ANKRD26: variants seen among roughly 807,000 people sequenced by gnomAD.
ANKRD26 encodes ankyrin repeat domain 26, also known as ankyrin repeat domain-containing protein 26.
Under a neutral mutation model 208.7 loss-of-function variants are expected in ANKRD26, and 141 were observed. The ratio of observed to expected loss-of-function variants is 0.68; its 90% CI spans 0.59 to 0.78. ANKRD26 has a LOEUF of 0.78. ANKRD26 is among the 30% of genes least tolerant of loss of function. The pLI is 0.00. For missense variants in ANKRD26, 1,889 were observed against 1,938.7 expected (o/e 0.97, Z 0.48); for synonymous variants, 636 against 660.4 (o/e 0.96, Z 0.57).
chr10:26,996,557 TCAAGAAAAAGAG>T (rs2052597598), intron 4 of ANKRD26, among the ~76,000 whole-genome samples: 1 of 152,162 alleles, frequency 6.6e-6, no homozygotes, highest in Non-Finnish European at 1.5e-5. Context: ...AGACTCCATC[TCAAGAAAAAGAG>T]TCTTCATTCT....
chr10:27,080,528 A>G (rs1589354129), intron 6 of ANKRD26: 1 of 681,886 alleles, frequency 1.5e-6, no homozygotes, highest in South Asian at 6.6e-5. Flanking sequence ...AGCCCTTAAA[A>G]ATCTTTACAG....
downstream of ANKRD26, among the ~76,000 whole-genome samples, chr10:26,970,012 T>TTAGTAGAGACAG (rs58939050): frequency 0.96 from 145,635 of 151,564 alleles, 70,023 homozygotes; most frequent in East Asian, 1. Flanking sequence ...TTTTGTATTT[T>TTAGTAGAGACAG]AGTTTTGTCA....
At chr10:27,024,113 G>A (rs571486233) in intron 28 of ANKRD26, among the ~76,000 whole-genome samples, 2 of 152,172 alleles carry the variant, frequency 1.3e-5, no homozygotes, top group Admixed American at 6.5e-5. Flanking sequence ...TATCTTCTTT[G>A]AAGGGAAGGA....
downstream of ANKRD26, among the ~76,000 whole-genome samples, chr10:26,988,449 T>C (rs2052425820): frequency 6.6e-6 from 1 of 152,244 alleles, no homozygotes; most frequent in Non-Finnish European, 1.5e-5. Context: ...ATCCACTTAT[T>C]GGATAAGCAT....
intron 5 of ANKRD26, among the ~76,000 whole-genome samples, chr10:27,083,335 C>T (rs557227679): frequency 6.6e-6 from 1 of 151,744 alleles, no homozygotes; most frequent in African/African-American, 2.4e-5. Context: ...GAAAAAAAAC[C>T]CATGCACTCT....
intron 16 of ANKRD26, chr10:27,051,794 T>G: frequency 2.0e-6 from 2 of 985,338 alleles, no homozygotes; most frequent in Non-Finnish European, 2.4e-6. Flanking sequence ...AAGAAGAAGG[T>G]ATTTCCTTTA....
chr10:27,098,523 C>T (rs1320238013), intron 1 of ANKRD26, among the ~76,000 whole-genome samples: 1 of 150,566 alleles, frequency 6.6e-6, no homozygotes, highest in Non-Finnish European at 1.5e-5. Context: ...ACTTATTATA[C>T]AAATGCCCAG....
chr10:27,029,440 TC>T, intron 25 of ANKRD26, 84 bp from the exon 26 acceptor site: 1 of 1,321,954 alleles, frequency 7.6e-7, no homozygotes, highest in Non-Finnish European at 1.1e-6. Context: ...CTAAACCTTA[TC>T]GGAACACAGT....
intron 15 of ANKRD26, among the ~76,000 whole-genome samples, chr10:27,056,033 T>C (rs2054827197): frequency 6.6e-6 from 1 of 152,156 alleles, no homozygotes; most frequent in South Asian, 2.1e-4. Flanking sequence ...CTAAACAAAA[T>C]TACTGTCCCT....
intron 25 of ANKRD26, chr10:27,030,384 A>G (rs1232985674): frequency 2.0e-6 from 2 of 985,400 alleles, no homozygotes; most frequent in East Asian, 1.1e-4. Context: ...TAAGTAATAC[A>G]TAACTTACAT....
chr10:27,017,430 A>T, intron 30 of ANKRD26, 72 bp downstream of exon 30: 2 of 1,518,834 alleles, frequency 1.3e-6, no homozygotes, highest in Non-Finnish European at 1.8e-6. Flanking sequence ...TGTAGAGGAA[A>T]CACATATAAT....
intron 18 of ANKRD26, 75 bp from the exon 19 acceptor site, chr10:27,044,265 T>C: frequency 7.9e-7 from 1 of 1,259,056 alleles, no homozygotes; most frequent in Non-Finnish European, 1.1e-6. Flanking sequence ...TATTGTTTTT[T>C]TAAATAAAAG....
intron 9 of ANKRD26, among the ~76,000 whole-genome samples, 166 bp from the exon 10 acceptor site, chr10:27,067,452 G>A (rs1196449203): frequency 6.6e-6 from 1 of 151,942 alleles, no homozygotes; most frequent in Non-Finnish European, 1.5e-5. Context: ...ACCTGACGGG[G>A]TAATTTATGA....
intron 7 of ANKRD26, 74 bp downstream of exon 7, chr10:27,079,015 G>T: frequency 7.4e-7 from 1 of 1,354,742 alleles, no homozygotes; most frequent in Non-Finnish European, 1.1e-6. Flanking sequence ...GTAGACCACT[G>T]CAAAATTTTA....
At chr10:27,042,442 C>A (rs1308012936) in intron 20 of ANKRD26, among the ~76,000 whole-genome samples, 1 of 151,974 alleles carries the variant, frequency 6.6e-6, no homozygotes, top group Admixed American at 6.6e-5. Context: ...CATGATGAAA[C>A]CCCGCCTCTA....
intron 6 of ANKRD26, among the ~76,000 whole-genome samples, chr10:27,081,919 G>T (rs905556803): frequency 2.0e-5 from 3 of 151,906 alleles, no homozygotes; most frequent in African/African-American, 4.8e-5. Context: ...TGTATTTTTA[G>T]TAGAGACAGG....
chr10:26,971,432 T>A (rs1385095331), downstream of ANKRD26, among the ~76,000 whole-genome samples: 6 of 151,690 alleles, frequency 4.0e-5, no homozygotes, highest in Non-Finnish European at 1.5e-5. Flanking sequence ...CCCAGCACTT[T>A]GGGAGGCTGA....
chr10:27,072,160 G>C (rs2135537675), intron 9 of ANKRD26, among the ~76,000 whole-genome samples: 1 of 152,320 alleles, frequency 6.6e-6, no homozygotes. Flanking sequence ...TGCGGTTTCT[G>C]TCCCTCAGGA....
rs997299255 is a variant in ANKRD26, at chr10:27,035,024, C to A, written c.3426G>T (p.Glu1142Asp). The A allele has an allele frequency of 1.2e-6, 2 of 1,613,882 alleles. No individual in the cohort carries two copies. The highest frequency in any genetic ancestry group is 2.7e-5 in the African/African-American group (2 of 74,910). The part of the protein sequence containing the change: ...VEERLSQLQS[E>D]NMLLRQQLDD... ...CCAGTTGTTGTCGAAGCAACATATT[C>A]TCACTTTGTAGTTGAGACAATCTCT... The change falls in exon 24 of 34, where the codon GAG (glutamate) becomes GAT (aspartate). Residue 1142 changes from glutamate (E) to aspartate (D), a missense_variant. Physicochemically the swap from Glu to Asp is conservative, Grantham distance 45. Around this residue, in one of 3 missense-constraint regions of ANKRD26, gnomAD observed 613 missense variants for 648.2 expected, o/e 0.95. Coordinates refer to ENST00000376087, the MANE Select transcript of ANKRD26 (RefSeq NM_014915.3).
Sources: gnomAD v4.1 joint callset for allele counts (sites outside exome capture counted in the v4.1 genomes callset) on GRCh38, gnomAD v4.1.1 for gene constraint, gnomAD v4.1.1 regional missense constraint, MANE v1.5 for transcripts, NCBI Gene and HGNC (gene_info 2026-07-23, HGNC 2026-07-21) for gene names.